The following GRM5 variants were observed in gnomAD, a reference collection of about 807,000 sequenced individuals.
The protein encoded by GRM5 is glutamate metabotropic receptor 5.
In GRM5, 19 loss-of-function variants were observed where a neutral mutation model predicts 83.1. That is an observed-to-expected ratio of 0.23 (90% CI 0.16 to 0.34). The LOEUF (loss-of-function observed/expected upper bound fraction) is 0.34, where lower values mean the gene tolerates loss of function less well. GRM5 is among the 10% of genes least tolerant of loss of function. GRM5 has a pLI of 1.00. For missense variants in GRM5, 1,160 were observed against 1,588.3 expected (o/e 0.73, Z 4.58); for synonymous variants, 675 against 633.6 (o/e 1.07, Z -0.98).
intron 3 of GRM5, among the ~76,000 whole-genome samples, chr11:88,822,724 G>A (rs555073450): frequency 5.3e-5 from 8 of 151,646 alleles, no homozygotes; most frequent in East Asian, 3.9e-4. Context: ...ATTTCTTCTC[G>A]GTGACATTGC....
intron 4 of GRM5, among the ~76,000 whole-genome samples, chr11:88,631,322 T>C (rs971460171): frequency 6.6e-6 from 1 of 152,216 alleles, no homozygotes; most frequent in Non-Finnish European, 1.5e-5. Flanking sequence ...TTATATTAAA[T>C]GTTATATTCT....
intron 6 of GRM5, among the ~76,000 whole-genome samples, chr11:88,595,645 A>ATCTTGATAC (rs1265579785): frequency 6.6e-6 from 1 of 152,146 alleles, no homozygotes; most frequent in Non-Finnish European, 1.5e-5. Flanking sequence ...TTATCCATTC[A>ATCTTGATAC]TCTTGATACT....
At chr11:88,887,069 C>T (rs1221676991) in intron 2 of GRM5, among the ~76,000 whole-genome samples, 1 of 152,176 alleles carries the variant, frequency 6.6e-6, no homozygotes, top group Non-Finnish European at 1.5e-5. Context: ...AACCAATTCT[C>T]TCCCTTTTTG....
At chr11:89,017,007 C>A (rs1443460120) in intron 2 of GRM5, among the ~76,000 whole-genome samples, 1 of 152,120 alleles carries the variant, frequency 6.6e-6, no homozygotes, top group Non-Finnish European at 1.5e-5. Context: ...ATCATTAACA[C>A]CAAGAAGCTT....
At chr11:88,694,417 T>C (rs1008759191) in intron 3 of GRM5, among the ~76,000 whole-genome samples, 1 of 151,888 alleles carries the variant, frequency 6.6e-6, no homozygotes. Flanking sequence ...CACAACAAAA[T>C]GTAGAGGTGA....
intron 6 of GRM5, among the ~76,000 whole-genome samples, chr11:88,592,473 T>C (rs1258774678): frequency 1.3e-5 from 2 of 152,222 alleles, no homozygotes; most frequent in Non-Finnish European, 2.9e-5. Context: ...ATTGCAAAGC[T>C]GAAGGAGTGT....
At chr11:88,860,340 C>G (rs1944540959) in intron 2 of GRM5, among the ~76,000 whole-genome samples, 1 of 152,164 alleles carries the variant, frequency 6.6e-6, no homozygotes, top group Admixed American at 6.6e-5. Context: ...GTCAAATTCA[C>G]AGCTGAAGAC....
chr11:88,824,473 G>A lies in GRM5; in HGVS notation c.911+25433C>T, dbSNP rs139222994. Among the ~76,000 whole-genome samples the A allele has an allele frequency of 4.9e-4, 75 of 152,294 alleles. No individual in the cohort carries two copies. The East Asian group carries it at 0.013, about 27-fold the overall frequency. ...GTAGCCTCCAACTTTACTGGCACCAGGGACCAGTTTCATGGAAGACAATTT... is the reference window on the plus strand; with the variant it reads ...GTAGCCTCCAACTTTACTGGCACCAAGGACCAGTTTCATGGAAGACAATTT... On this transcript the variant is annotated intron_variant, in intron 3 of 9. Transcript: ENST00000305447.
intron 2 of GRM5, among the ~76,000 whole-genome samples, chr11:88,857,806 A>G (rs1944501087): frequency 6.6e-6 from 1 of 152,090 alleles, no homozygotes; most frequent in African/African-American, 2.4e-5. Flanking sequence ...AGAAATGTGT[A>G]TACATATTTT....
At chr11:88,822,727 G>C (rs1943821768) in intron 3 of GRM5, among the ~76,000 whole-genome samples, 1 of 151,918 alleles carries the variant, frequency 6.6e-6, no homozygotes, top group Non-Finnish European at 1.5e-5. Context: ...TCTTCTCGGT[G>C]ACATTGCTTG....
At chr11:88,868,849 G>A (rs1232743341) in intron 2 of GRM5, among the ~76,000 whole-genome samples, 3 of 151,674 alleles carry the variant, frequency 2.0e-5, no homozygotes, top group Non-Finnish European at 4.4e-5. Flanking sequence ...TGTAATCAGG[G>A]ATCTTAATAG....
intron 7 of GRM5, among the ~76,000 whole-genome samples, chr11:88,581,672 T>G (rs1943215106): frequency 6.6e-6 from 1 of 152,198 alleles, no homozygotes; most frequent in African/African-American, 2.4e-5. Flanking sequence ...GACCTGGGAA[T>G]TCTATTGTTA....
At chr11:88,832,912 T>C (rs1944021178) in intron 3 of GRM5, among the ~76,000 whole-genome samples, 1 of 152,132 alleles carries the variant, frequency 6.6e-6, no homozygotes. Flanking sequence ...TTGATATCCA[T>C]ATGCAGAAGA....
chr11:88,821,364 AAAAAAG>A (rs1943790413), intron 3 of GRM5, among the ~76,000 whole-genome samples: 1 of 140,998 alleles, frequency 7.1e-6, no homozygotes, highest in African/African-American at 2.8e-5. Flanking sequence ...AAAAAAAAAG[AAAAAAG>A]AAAAAAAAAA....
At chr11:88,817,335 A>G (rs1008040774) in intron 3 of GRM5, among the ~76,000 whole-genome samples, 4 of 152,038 alleles carry the variant, frequency 2.6e-5, no homozygotes, top group African/African-American at 9.7e-5. Flanking sequence ...CACAGAATTT[A>G]AATTTCTCTT....
intron 4 of GRM5, among the ~76,000 whole-genome samples, chr11:88,637,820 A>T (rs1191202263): frequency 6.7e-6 from 1 of 148,628 alleles, no homozygotes; most frequent in African/African-American, 2.4e-5. Context: ...TACCCAAAGG[A>T]CTATAAATCA....
intron 2 of GRM5, among the ~76,000 whole-genome samples, chr11:88,997,646 G>C (rs1349835658): frequency 6.6e-6 from 1 of 151,832 alleles, no homozygotes; most frequent in African/African-American, 2.4e-5. Context: ...AAATATTAAA[G>C]GAATAGTAAG....
At chr11:89,037,194 T>G (rs910957894) in intron 2 of GRM5, among the ~76,000 whole-genome samples, 6 of 152,188 alleles carry the variant, frequency 3.9e-5, no homozygotes, top group African/African-American at 1.4e-4. Context: ...GAGTTAGAAA[T>G]GTTAATTTGT....
chr11:88,562,475 T>G (rs1012780281), intron 8 of GRM5, among the ~76,000 whole-genome samples: 3 of 152,122 alleles, frequency 2.0e-5, no homozygotes, highest in African/African-American at 7.2e-5. Flanking sequence ...ACTTGCAGTA[T>G]TTTATGACAA....
Sources: gnomAD v4.1 joint callset for allele counts (sites outside exome capture counted in the v4.1 genomes callset) on GRCh38, gnomAD v4.1.1 for gene constraint, MANE v1.5 for transcripts, NCBI Gene and HGNC (gene_info 2026-07-23, HGNC 2026-07-21) for gene names.